Variants in CPS1 observed in about 807,000 individuals in gnomAD.
CPS1 encodes the protein carbamoyl-phosphate synthase [ammonia], mitochondrial.
CPS1 carries 109 observed loss-of-function variants against 174.6 expected under a neutral mutation model. The observed-to-expected ratio is 0.62, with a 90% CI of 0.53 to 0.73. CPS1 has a LOEUF of 0.73. CPS1 is among the 30% of genes least tolerant of loss of function. The pLI, the probability that CPS1 is intolerant of heterozygous loss-of-function variation, is 0.00. For missense variants in CPS1, 1,689 were observed against 1,821.9 expected, an observed-to-expected ratio of 0.93 and a Z score of 1.33; for synonymous variants, 637 against 632.0, an observed-to-expected ratio of 1.01 and a Z score of -0.12.
intron 1 of CPS1, among the ~76,000 whole-genome samples, chr2:210,509,362 G>A (rs1233006093): frequency 2.0e-5 from 3 of 151,756 alleles, no homozygotes; most frequent in African/African-American, 7.3e-5. Context: ...AATAAATTAG[G>A]TATTGATGGG....
intron 32 of CPS1, among the ~76,000 whole-genome samples, chr2:210,662,067 C>T (rs1249916568): frequency 1.3e-5 from 2 of 151,580 alleles, no homozygotes; most frequent in Admixed American, 1.3e-4. Flanking sequence ...AAGCACATGC[C>T]ACCACGCCCA....
chr2:210,598,077 A>AGGG (rs1028849215), intron 13 of CPS1, among the ~76,000 whole-genome samples: 2 of 150,844 alleles, frequency 1.3e-5, no homozygotes, highest in African/African-American at 2.4e-5. Flanking sequence ...AATAAATACA[A>AGGG]GGGGGAGCAG....
chr2:210,648,021 G>A lies in CPS1; in HGVS notation c.3300G>A (p.Lys1100=). The A allele has an allele frequency of 4.3e-6, 7 of 1,614,036 alleles. No individual in the cohort carries two copies. Among genetic ancestry groups the A allele is most frequent in the Non-Finnish European group, 5.1e-6 (6 of 1,179,936 alleles). The change falls in exon 26 of 38, where the codon AAG becomes AAA. Residue 1100 remains lysine (K), a synonymous_variant. Coordinates refer to ENST00000233072, the MANE Select transcript of CPS1 (RefSeq NM_001875.5). ...TCTCAGCTGTCTTGGATGAGCTGAA[G>A]GTGGCTCAGGCACCTTGGAAAGCTG... is the stretch of plus-strand genomic sequence containing the variant. The part of the protein sequence containing the change: ...SIFSAVLDEL[K]VAQAPWKAVN...
At chr2:210,576,592 G>A in intron 3 of CPS1, 102 bp downstream of exon 3, 1 of 1,208,280 alleles carries the variant, frequency 8.3e-7, no homozygotes, top group Non-Finnish European at 1.2e-6. Context: ...CAATACGGTA[G>A]TACAAATCAT....
chr2:210,542,009 T>C (rs1696445213), intron 1 of CPS1, among the ~76,000 whole-genome samples: 1 of 152,076 alleles, frequency 6.6e-6, no homozygotes, highest in Non-Finnish European at 1.5e-5. Context: ...AGCATCCTTT[T>C]CCCCTCCTCC....
At chr2:210,478,479 A>T (rs1294197413) in intron 1 of CPS1, among the ~76,000 whole-genome samples, 2 of 151,938 alleles carry the variant, frequency 1.3e-5, no homozygotes, top group African/African-American at 4.8e-5. Context: ...GATTTGAAAG[A>T]GTTTTGTTTC....
At chr2:210,488,201 G>A (rs186918435) in intron 1 of CPS1, among the ~76,000 whole-genome samples, 4 of 150,738 alleles carry the variant, frequency 2.7e-5, no homozygotes, top group Non-Finnish European at 4.4e-5. Context: ...ATTCTTCAAG[G>A]TTAGAAGAAA....
chr2:210,599,335 C>A, intron 13 of CPS1, 37 bp from the exon 14 acceptor site: 4 of 1,584,366 alleles, frequency 2.5e-6, no homozygotes, highest in Non-Finnish European at 3.5e-6. Flanking sequence ...TTCTTTAGAC[C>A]ATATATTCAT....
chr2:210,509,367 G>A (rs1464922510), intron 1 of CPS1, among the ~76,000 whole-genome samples: 1 of 152,162 alleles, frequency 6.6e-6, no homozygotes, highest in Non-Finnish European at 1.5e-5. Flanking sequence ...ATTAGGTATT[G>A]ATGGGACATA....
At chr2:210,541,084 T>C (rs1284091526) in intron 1 of CPS1, among the ~76,000 whole-genome samples, 1 of 152,120 alleles carries the variant, frequency 6.6e-6, no homozygotes, top group African/African-American at 2.4e-5. Context: ...ACACTAGGAA[T>C]TGTGAAGCCT....
In CPS1 at chr2:210,515,857, A is replaced by C. The variant is rs1036919189; in HGVS notation, c.3+38091A>C. Among the ~76,000 whole-genome samples, 8 of 151,888 alleles carry C rather than the reference A, an allele frequency of 5.3e-5. No homozygotes were observed. The East Asian group carries it at 1.4e-3, about 26-fold the overall frequency. On this transcript the variant is annotated intron_variant, in intron 1 of 38. Transcript: ENST00000430249. Reference sequence around the variant, plus strand: ...TTTAGTGCTATAATCTTTTGTCATAACATTGCTTTTGCTGCATCACAGAGA... The same window carrying C: ...TTTAGTGCTATAATCTTTTGTCATACCATTGCTTTTGCTGCATCACAGAGA...
intron 21 of CPS1, among the ~76,000 whole-genome samples, chr2:210,629,385 G>A: frequency 6.6e-6 from 1 of 151,918 alleles, no homozygotes; most frequent in Admixed American, 6.5e-5. Context: ...CGCGATCTCG[G>A]CTCACTGCAA....
At chr2:210,538,900 T>C (rs1350546836) in intron 1 of CPS1, among the ~76,000 whole-genome samples, 2 of 152,136 alleles carry the variant, frequency 1.3e-5, no homozygotes, top group African/African-American at 4.8e-5. Flanking sequence ...AATAATTTCC[T>C]CTATCAGAGG....
chr2:210,629,403 C>A (rs1699793315), intron 21 of CPS1, among the ~76,000 whole-genome samples: 1 of 152,024 alleles, frequency 6.6e-6, no homozygotes, highest in South Asian at 2.1e-4. Flanking sequence ...CAAGGTCCGC[C>A]TCCCGGGTTC....
chr2:210,575,917 G>A lies in CPS1; in HGVS notation c.237-429G>A, dbSNP rs182032855. Among the ~76,000 whole-genome samples the A allele has an allele frequency of 2.0e-4, 30 of 151,886 alleles. No homozygotes were observed. In the East Asian group the frequency reaches 4.6e-3, roughly 24 times the overall value. ...ATCAAGAAAAACTTTTCAATGTTTCGATGGTTACTATCTTGGTGAAACTGG... is the reference window on the plus strand; with the variant it reads ...ATCAAGAAAAACTTTTCAATGTTTCAATGGTTACTATCTTGGTGAAACTGG... On this transcript the variant is annotated intron_variant, in intron 2 of 37. Transcript: ENST00000233072.
intron 1 of CPS1, among the ~76,000 whole-genome samples, chr2:210,567,016 C>T (rs1050870579): frequency 6.6e-6 from 1 of 151,850 alleles, no homozygotes; most frequent in African/African-American, 2.4e-5. Flanking sequence ...TGCATATAGA[C>T]TTTAATAAAC....
At chr2:210,534,298 T>C (rs934505387) in intron 1 of CPS1, among the ~76,000 whole-genome samples, 1 of 152,176 alleles carries the variant, frequency 6.6e-6, no homozygotes, top group Non-Finnish European at 1.5e-5. Flanking sequence ...TCTTCACTTG[T>C]GCTGGGAAAG....
chr2:210,635,576 A>G (rs1700018996), intron 21 of CPS1, among the ~76,000 whole-genome samples: 2 of 152,204 alleles, frequency 1.3e-5, no homozygotes, highest in South Asian at 2.1e-4. Flanking sequence ...AAAAGATTTA[A>G]TTAGTTTTTC....
chr2:210,500,293 G>A (rs538943348), intron 1 of CPS1, among the ~76,000 whole-genome samples: 1 of 152,090 alleles, frequency 6.6e-6, no homozygotes, highest in Non-Finnish European at 1.5e-5. Flanking sequence ...CAAATCTCAT[G>A]TCCTCAAATT....
Sources: allele counts gnomAD v4.1 joint callset (sites outside exome capture counted in the v4.1 genomes callset), GRCh38; gene constraint gnomAD v4.1.1; transcripts MANE v1.5; gene names NCBI Gene and HGNC (gene_info 2026-07-23, HGNC 2026-07-21).